Variants in SIRT6 observed in about 807,000 individuals in gnomAD.
The protein encoded by SIRT6 is sirtuin 6.
SIRT6 carries 21 observed loss-of-function variants against 33.6 expected under a neutral mutation model. The observed-to-expected ratio is 0.62, with a 90% confidence interval of 0.44 to 0.90. The LOEUF (loss-of-function observed/expected upper bound fraction) is 0.90. Ranked by LOEUF, SIRT6 falls within the 40% of genes least tolerant of loss-of-function variation. SIRT6 has a pLI of 0.00. For synonymous variants in SIRT6, 221 were observed against 223.9 expected, an observed-to-expected ratio of 0.99 and a Z score of 0.12; for missense variants, 504 against 510.6, an observed-to-expected ratio of 0.99 and a Z score of 0.12.
Position 4,174,814 on chromosome 19 carries a change from G to T in SIRT6, c.871C>A (p.Arg291Ser). 2.3e-6 allele frequency: 1 copy of T among 442,480 alleles called. No homozygotes were observed. The allele number at this position is 442,480 out of a possible 1,614,324, so 27.4% of individuals were successfully genotyped here. Residue 291 changes from arginine to serine, a missense_variant, in exon 8 of 8, where the codon CGC becomes AGC. Transcript: ENST00000337491. The surrounding 1 kb of genome is among the most constrained non-coding windows in gnomAD (Gnocchi z 4.2). The stretch of plus-strand genomic sequence containing the variant: ...GGCTCCAGCTTGGGGGTGGGCGGGC[G>T]GGGCAGGGGTGGCAGCGCCCTCTCC... ...VLERALPPLP[R>S]PPTPKLEPKE...
At chr19:4,180,965 C>T (rs1490354202) in intron 1 of SIRT6, 56 bp from the exon 2 acceptor site, 10 of 1,519,200 alleles carry the variant, frequency 6.6e-6, no homozygotes, top group Non-Finnish European at 8.8e-6. Context: ...AGTGGCAAGG[C>T]CACGCACGAG....
At position 4,175,739 on chromosome 19, in the gene SIRT6, G is replaced by A. The variant is rs1967258664; in HGVS notation, c.555C>T (p.Ile185=). Residue 185 remains isoleucine (I), a synonymous_variant, in exon 6 of 8, where the codon ATC becomes ATT. Coordinates refer to ENST00000337491, the MANE Select transcript of SIRT6 (RefSeq NM_016539.4). ...CGGGCAGGGAGTCCTCCCAGTCTAG[G>A]ATGGTGTCCCTCAGCTCTCCCCTGC... is the stretch of plus-strand genomic sequence containing the variant. The part of the protein sequence containing the change: ...RACRGELRDT[I]LDWEDSLPDR... 4.4e-6 allele frequency: 7 copies of A among 1,587,096 alleles called. No individual in the cohort carries two copies. Among genetic ancestry groups the A allele is most frequent in the Non-Finnish European group, 6.0e-6 (7 of 1,166,716 alleles).
intron 2 of SIRT6, chr19:4,180,511 G>T: frequency 3.6e-6 from 1 of 278,344 alleles, no homozygotes. Context: ...CTCCCGAGTA[G>T]CTGGGACTAC....
chr19:4,180,192 C>T (rs1014373920), intron 2 of SIRT6, among the ~76,000 whole-genome samples: 3 of 149,394 alleles, frequency 2.0e-5, no homozygotes, highest in Non-Finnish European at 3.0e-5. Flanking sequence ...GCAACCTCTG[C>T]CTCCCGGGTT....
chr19:4,177,491 C>T (rs1044055082), intron 3 of SIRT6, among the ~76,000 whole-genome samples: 1 of 151,958 alleles, frequency 6.6e-6, no homozygotes, highest in Non-Finnish European at 1.5e-5. Context: ...TTCAAATTCC[C>T]AGTTTATAAT....
Position 4,180,881 on chromosome 19 carries a change from C to G in SIRT6, c.95G>C (p.Arg32Pro). 1 of 1,613,272 alleles carries G rather than the reference C, an allele frequency of 6.2e-7. No homozygotes were observed. The highest frequency in any genetic ancestry group is 8.5e-7 in the Non-Finnish European group (1 of 1,179,692). Residue 32 changes from arginine (R) to proline (P), a missense_variant, in exon 2 of 8, where the codon CGG (arginine) becomes CCG (proline). Transcript: ENST00000337491. ...EIFDPPEELE[R>P]KVWELARLVW... ...CAGCCTCGCCAGTTCCCACACCTTC[C>G]GCTCCAGCTCCTCCGGGGGGTCGAA... is the stretch of plus-strand genomic sequence containing the variant.
chr19:4,176,277 C>G (rs1318013310), intron 4 of SIRT6, among the ~76,000 whole-genome samples: 2 of 152,196 alleles, frequency 1.3e-5, no homozygotes, highest in African/African-American at 4.8e-5. Context: ...GCGATGTCCA[C>G]TTTACTTTTC....
chr19:4,179,351 A>G, intron 2 of SIRT6, 65 bp from the exon 3 acceptor site: 1 of 1,478,228 alleles, frequency 6.8e-7, no homozygotes, highest in African/African-American at 1.4e-5. Flanking sequence ...CAGAGGGAGA[A>G]TCAGAGAGGT....
At chr19:4,182,420 G>C (rs772145261) in intron 1 of SIRT6, 54 bp downstream of exon 1, 33 of 1,553,554 alleles carry the variant, frequency 2.1e-5, no homozygotes, top group Non-Finnish European at 1.7e-5. Context: ...CCATCCGGCC[G>C]CTCCCAGCCC....
chr19:4,176,206 G>C (rs1467459261), intron 4 of SIRT6, among the ~76,000 whole-genome samples: 1 of 152,228 alleles, frequency 6.6e-6, no homozygotes, highest in South Asian at 2.1e-4. Context: ...CGGACCAGGA[G>C]AAACAGGAAC....
rs899153402 is a variant in SIRT6, at chr19:4,175,526, C to T, written c.614+154G>A. The T allele has an allele frequency of 1.2e-5, 8 of 692,898 alleles. No homozygotes were observed. The East Asian group carries it at 1.4e-4, about 12-fold the overall frequency. The allele number at this position is 692,898 out of a possible 1,614,324, so 42.9% of individuals were successfully genotyped here. On this transcript the variant is annotated intron_variant, in intron 6 of 7. Transcript: ENST00000337491. ...ATGAGGTGACGAGTGTGTGTGAGTGCGTGTGTGCAGCCCCTGGCCTGGCCC... is the reference window on the plus strand; with the variant it reads ...ATGAGGTGACGAGTGTGTGTGAGTGTGTGTGTGCAGCCCCTGGCCTGGCCC...
chr19:4,181,250 C>T (rs895223306), intron 1 of SIRT6, among the ~76,000 whole-genome samples: 15 of 152,186 alleles, frequency 9.9e-5, no homozygotes, highest in African/African-American at 3.6e-4. Flanking sequence ...CTCAGGGCCA[C>T]ACCCTTTAAT....
chr19:4,178,732 C>T (rs1168556014), intron 3 of SIRT6, among the ~76,000 whole-genome samples: 4 of 152,068 alleles, frequency 2.6e-5, no homozygotes, highest in African/African-American at 9.7e-5. Flanking sequence ...GCCTGTAATC[C>T]CAGTTACTAG....
At chr19:4,179,499 A>C (rs1967502059) in intron 2 of SIRT6, 1 of 583,252 alleles carries the variant, frequency 1.7e-6, no homozygotes, top group Non-Finnish European at 3.0e-6. Context: ...AGACAGAGAG[A>C]TAAAGAGTTA....
intron 2 of SIRT6, among the ~76,000 whole-genome samples, chr19:4,179,746 G>A (rs1198090320): frequency 6.6e-6 from 1 of 152,200 alleles, no homozygotes; most frequent in Admixed American, 6.5e-5. Context: ...TGGATCAGAG[G>A]AGGTACCTGG....
Position 4,182,478 on chromosome 19 carries a change from G to A in SIRT6, c.62C>T (p.Pro21Leu). 2 of 1,609,768 alleles carry A rather than the reference G, an allele frequency of 1.2e-6. No homozygotes were observed. The highest frequency in any genetic ancestry group is 1.7e-6 in the Non-Finnish European group (2 of 1,178,528). The change falls in exon 1 of 8, where the codon CCG becomes CTG. Residue 21 changes from proline to leucine, a missense_variant. Pro to Leu is a moderately conservative substitution (Grantham distance 98). Coordinates refer to ENST00000337491, the MANE Select transcript of SIRT6 (RefSeq NM_016539.4). ...PYADKGKCGL[P>L]EIFDPPEELE... is the part of the protein sequence containing the mutation. ...GGGACCCTCAGACGCGCTCACCTCC[G>A]GGAGGCCGCACTTGCCCTTGTCCGC...
chr19:4,174,765 A>T lies in SIRT6; in HGVS notation c.920T>A (p.Ile307Asn), dbSNP rs1367526861. ...LEPKEESPTR[I>N]NGSIPAGPKQ... is the part of the protein sequence containing the mutation. ...GGGGCCGGCGGGGATAGAGCCGTTG[A>T]TCCGGGTGGGAGATTCCTCCTTGGG... is the stretch of plus-strand genomic sequence containing the variant. Residue 307 changes from isoleucine to asparagine, a missense_variant, in exon 8 of 8, where the codon ATC becomes AAC. Transcript: ENST00000337491. This position sits in a 1 kb window ranked among gnomAD's most constrained non-coding sequence, Gnocchi z 4.2. 9.6e-6 allele frequency: 12 copies of T among 1,245,636 alleles called. No homozygotes were observed. The highest frequency in any genetic ancestry group is 3.2e-4 in the Middle Eastern group (1 of 3,078). The allele number at this position is 1,245,636 out of a possible 1,614,324, so 77.2% of individuals were successfully genotyped here.
chr19:4,175,607 C>G (rs990511237), intron 6 of SIRT6, 73 bp downstream of exon 6: 3 of 1,371,994 alleles, frequency 2.2e-6, no homozygotes, highest in East Asian at 2.5e-5. Flanking sequence ...CTGTCCCATG[C>G]TGGAGCTGGC....
chr19:4,175,060 G>A lies in SIRT6; in HGVS notation c.706C>T (p.Leu236=), dbSNP rs764265339. The change falls in exon 7 of 8, where the codon CTG becomes TTG. Residue 236 remains leucine, a synonymous_variant. Coordinates refer to ENST00000337491, the MANE Select transcript of SIRT6 (RefSeq NM_016539.4). ...PLATKRRGGR[L]VIVNLQPTKH... is the part of the protein sequence containing the mutation. ...GTGGGCTGCAGGTTGACGATGACCA[G>A]GCGGCCTCCCCGGCGCTTGGTAGCC... The A allele has an allele frequency of 3.8e-6, 6 of 1,590,404 alleles. No homozygotes were observed. The Admixed American group carries it at 1.1e-4, about 28-fold the overall frequency.
Sources: gnomAD v4.1 joint callset for allele counts (sites outside exome capture counted in the v4.1 genomes callset) on GRCh38, gnomAD v4.1.1 for gene constraint, Gnocchi (gnomAD v3.1) non-coding constraint, MANE v1.5 for transcripts, NCBI Gene and HGNC (gene_info 2026-07-23, HGNC 2026-07-21) for gene names.